The following RGS17 variants were observed in gnomAD, a reference collection of about 807,000 sequenced individuals.
RGS17 encodes the protein regulator of G-protein signaling 17.
In RGS17, 12 loss-of-function variants were observed where a neutral mutation model predicts 25.5. The observed-to-expected ratio is 0.47, with a 90% CI of 0.30 to 0.76. The LOEUF is 0.76. Among genes scored for constraint, RGS17 ranks in the 30% least tolerant of loss-of-function variants. The probability of loss-of-function intolerance (pLI) is 0.07; values close to 1 mark genes in which losing one functional copy is unlikely to be tolerated. For missense variants in RGS17, 196 were observed against 242.2 expected, an observed-to-expected ratio of 0.81 and a Z score of 1.27; for synonymous variants, 71 against 76.9, an observed-to-expected ratio of 0.92 and a Z score of 0.40.
rs1476850184 is a variant in RGS17, at chr6:153,054,114, GTGTA to G, written c.-25-10075_-25-10072del. Among the ~76,000 whole-genome samples, 23 of 48,526 alleles carry G rather than the reference GTGTA, an allele frequency of 4.7e-4. 3 individuals are homozygous for G. The East Asian group carries it at 0.011, about 23-fold the overall frequency. The allele number at this position is 48,526 out of a possible 152,430, so 31.8% of individuals were successfully genotyped here. The stretch of plus-strand genomic sequence containing the variant: ...TTTTTATATATATATATATATATAT[GTGTA>G]TATATATATATATACAGCTTTATAC... On this transcript the variant is annotated intron_variant, in intron 1 of 4. Coordinates refer to ENST00000206262, the MANE Select transcript of RGS17 (RefSeq NM_012419.5).
At chr6:153,097,318 T>TG (rs1777230799) in intron 1 of RGS17, among the ~76,000 whole-genome samples, 2 of 111,218 alleles carry the variant, frequency 1.8e-5, no homozygotes, top group Non-Finnish European at 1.8e-5. Context: ...TTTTTTTTTT[T>TG]GGGAGACAGA....
intron 1 of RGS17, among the ~76,000 whole-genome samples, chr6:153,108,407 A>C (rs1237913436): frequency 6.6e-6 from 1 of 152,174 alleles, no homozygotes; most frequent in African/African-American, 2.4e-5. Context: ...TTTGGCAGGC[A>C]AATGGCAGAA....
chr6:153,050,410 C>G (rs1393995977), intron 1 of RGS17, among the ~76,000 whole-genome samples: 1 of 151,854 alleles, frequency 6.6e-6, no homozygotes, highest in Non-Finnish European at 1.5e-5. Context: ...ACATAAAAAC[C>G]TAATAGAAAA....
At chr6:153,081,652 G>C (rs1776982816) in intron 1 of RGS17, among the ~76,000 whole-genome samples, 1 of 150,398 alleles carries the variant, frequency 6.6e-6, no homozygotes, top group Non-Finnish European at 1.5e-5. Flanking sequence ...TTTCTTTCTT[G>C]AGCATACTTT....
intron 1 of RGS17, among the ~76,000 whole-genome samples, chr6:153,077,689 G>A (rs1776903377): frequency 6.6e-6 from 1 of 152,012 alleles, no homozygotes; most frequent in South Asian, 2.1e-4. Flanking sequence ...GGGCAAAAAA[G>A]TAAAAGGAAG....
intron 1 of RGS17, among the ~76,000 whole-genome samples, chr6:153,054,087 ATTTTTTATATATATATATATATATATGTG>A (rs1776515791): frequency 2.5e-5 from 1 of 39,276 alleles, no homozygotes; most frequent in Non-Finnish European, 4.6e-5. Context: ...TACACACAAT[ATTTTTTATATATATATATATATATATGTG>A]TATATATATA....
chr6:153,049,089 T>C (rs1180804595), intron 1 of RGS17, among the ~76,000 whole-genome samples: 1 of 151,854 alleles, frequency 6.6e-6, no homozygotes, highest in African/African-American at 2.4e-5. Flanking sequence ...TTAGAAAAAA[T>C]AAATAAAAAT....
chr6:153,043,774 C>A, intron 2 of RGS17, 126 bp downstream of exon 2: 1 of 599,954 alleles, frequency 1.7e-6, no homozygotes, highest in South Asian at 2.4e-5. Flanking sequence ...TCAATAAGTC[C>A]TACTTGCAAA....
intron 4 of RGS17, among the ~76,000 whole-genome samples, chr6:153,017,925 T>A (rs1056301956): frequency 2.0e-5 from 3 of 152,212 alleles, no homozygotes; most frequent in Non-Finnish European, 2.9e-5. Context: ...GGTATTCCTA[T>A]GTTAAATTTT....
intron 4 of RGS17, among the ~76,000 whole-genome samples, chr6:153,019,998 A>ATTTTTAAAATT (rs1779222956): frequency 6.7e-6 from 1 of 150,002 alleles, no homozygotes; most frequent in South Asian, 2.1e-4. Context: ...TTTAAAACAA[A>ATTTTTAAAATT]TGTGTAAATT....
At chr6:153,080,724 C>G (rs1776965612) in intron 1 of RGS17, among the ~76,000 whole-genome samples, 1 of 151,998 alleles carries the variant, frequency 6.6e-6, no homozygotes, top group African/African-American at 2.4e-5. Context: ...ACATAAGAAG[C>G]ATTGAATGCT....
chr6:153,024,538 G>T, intron 3 of RGS17, 42 bp from the exon 4 acceptor site: 1 of 1,426,486 alleles, frequency 7.0e-7, no homozygotes, highest in South Asian at 1.2e-5. Flanking sequence ...GGAACTTTGT[G>T]ACCAGTGAAT....
intron 1 of RGS17, among the ~76,000 whole-genome samples, chr6:153,070,172 AG>A (rs1776767413): frequency 6.6e-6 from 1 of 152,086 alleles, no homozygotes; most frequent in Non-Finnish European, 1.5e-5. Flanking sequence ...CTCCCACTAA[AG>A]TACTCTCTGA....
intron 1 of RGS17, among the ~76,000 whole-genome samples, chr6:153,095,805 AAC>A (rs1777200036): frequency 1.3e-5 from 2 of 152,204 alleles, no homozygotes; most frequent in Non-Finnish European, 2.9e-5. Context: ...TGATTTGCAA[AAC>A]ATTACAAATG....
At chr6:153,043,102 G>C (rs1224785448) in intron 2 of RGS17, among the ~76,000 whole-genome samples, 2 of 152,178 alleles carry the variant, frequency 1.3e-5, no homozygotes, top group Non-Finnish European at 2.9e-5. Flanking sequence ...CGGAACTCGA[G>C]CAGGTTCTCT....
intron 1 of RGS17, among the ~76,000 whole-genome samples, chr6:153,066,668 C>T (rs1041301563): frequency 6.6e-6 from 1 of 152,252 alleles, no homozygotes; most frequent in East Asian, 1.9e-4. Context: ...GGATTTATCC[C>T]TAGAATGCAA....
At chr6:153,094,923 CAATAT>C (rs931490313) in intron 1 of RGS17, among the ~76,000 whole-genome samples, 12 of 146,746 alleles carry the variant, frequency 8.2e-5, no homozygotes, top group Non-Finnish European at 1.4e-4. Flanking sequence ...ATTACATTCA[CAATAT>C]AATTGTGAAT....
At chr6:153,054,014 AT>A (rs1776508882) in intron 1 of RGS17, among the ~76,000 whole-genome samples, 2 of 45,140 alleles carry the variant, frequency 4.4e-5, no homozygotes, top group African/African-American at 1.4e-4. Flanking sequence ...ATATACGTAT[AT>A]ATGTATATAA....
chr6:153,117,291 C>A (rs934034246), intron 1 of RGS17, among the ~76,000 whole-genome samples: 4 of 152,048 alleles, frequency 2.6e-5, no homozygotes, highest in Non-Finnish European at 5.9e-5. Context: ...ACCATTAGCT[C>A]TTGTGAGAAC....
Sources: gnomAD v4.1 joint callset for allele counts (sites outside exome capture counted in the v4.1 genomes callset) on GRCh38, gnomAD v4.1.1 for gene constraint, MANE v1.5 for transcripts, NCBI Gene and HGNC (gene_info 2026-07-23, HGNC 2026-07-21) for gene names.